Variants in ST7 observed in about 807,000 individuals in gnomAD.
ST7 encodes suppression of tumorigenicity 7.
ST7 carries 28 observed loss-of-function variants against 78.7 expected under a neutral mutation model. That is an observed-to-expected ratio of 0.36 (90% CI 0.26 to 0.49). The LOEUF is 0.49. Ranked by LOEUF, ST7 falls within the 20% of genes least tolerant of loss-of-function variation. ST7 has a pLI of 0.99. For synonymous variants in ST7, 247 were observed against 249.6 expected, an observed-to-expected ratio of 0.99 and a Z score of 0.10; for missense variants, 418 against 696.0, an observed-to-expected ratio of 0.60 and a Z score of 4.49.
chr7:117,216,984 C>T (rs1380479694), intron 13 of ST7, among the ~76,000 whole-genome samples: 6 of 152,120 alleles, frequency 3.9e-5, no homozygotes, highest in African/African-American at 1.2e-4. Flanking sequence ...AAAAGGCCAA[C>T]TTGACGCACA....
intron 1 of ST7, among the ~76,000 whole-genome samples, chr7:117,088,446 T>C (rs1468196669): frequency 2.0e-5 from 3 of 152,250 alleles, no homozygotes; most frequent in Admixed American, 6.5e-5. Flanking sequence ...AGAATATAGA[T>C]GTTATTCCGT....
intron 1 of ST7, among the ~76,000 whole-genome samples, chr7:116,967,118 CT>C (rs35773173): frequency 0.5 from 69,383 of 139,190 alleles, 16,931 homozygotes; most frequent in Non-Finnish European, 0.58. Context: ...TTCTATCACT[CT>C]TTTTTTTTTT....
intron 8 of ST7, chr7:117,136,470 G>A (rs868262330): frequency 4.8e-5 from 29 of 602,710 alleles, no homozygotes; most frequent in East Asian, 1.9e-4. Flanking sequence ...ATTCCTAACC[G>A]CAGAAATAAA....
chr7:117,064,954 A>G (rs1244333162), intron 1 of ST7, among the ~76,000 whole-genome samples: 1 of 152,080 alleles, frequency 6.6e-6, no homozygotes, highest in Non-Finnish European at 1.5e-5. Flanking sequence ...AAAATGACTA[A>G]TCTCATTGTG....
Position 116,995,307 on chromosome 7 carries a change from C to A in ST7, c.151+41616C>A, listed in dbSNP as rs182534134. On this transcript the variant is annotated intron_variant, in intron 1 of 15. Transcript: ENST00000323984. ...TTGACAAATGAGGAATAGTAACCAT[C>A]CCCGTCCTAGGGTTGTTTTATGGTA... Among the ~76,000 whole-genome samples, 33 of 152,288 alleles carry A rather than the reference C, an allele frequency of 2.2e-4. No individual in the cohort carries two copies. In the East Asian group the frequency reaches 5.8e-3, roughly 27 times the overall value.
At chr7:117,054,584 C>A (rs1309292756) in intron 1 of ST7, among the ~76,000 whole-genome samples, 4 of 152,212 alleles carry the variant, frequency 2.6e-5, no homozygotes, top group Non-Finnish European at 5.9e-5. Context: ...TTAGGCCATT[C>A]CTTTATCACA....
intron 1 of ST7, among the ~76,000 whole-genome samples, chr7:117,034,740 A>G (rs907984316): frequency 5.3e-5 from 8 of 152,224 alleles, no homozygotes; most frequent in Admixed American, 4.6e-4. Context: ...TTTGATATAG[A>G]TGTCATAGCA....
chr7:117,141,682 CTTTTTT>C (rs2117093171), intron 9 of ST7, among the ~76,000 whole-genome samples: 2 of 149,478 alleles, frequency 1.3e-5, no homozygotes, highest in African/African-American at 4.9e-5. Context: ...TTTTCTTTTT[CTTTTTT>C]AAGACAGAGT....
chr7:116,988,182 A>G (rs1794268295), intron 1 of ST7, among the ~76,000 whole-genome samples: 1 of 152,154 alleles, frequency 6.6e-6, no homozygotes, highest in Admixed American at 6.6e-5. Flanking sequence ...ATATAATTCT[A>G]TAGGAGGCCT....
intron 1 of ST7, chr7:117,098,714 CT>C: frequency 8.3e-7 from 1 of 1,211,054 alleles, no homozygotes; most frequent in Non-Finnish European, 1.1e-6. Context: ...AAGCCTTTCC[CT>C]CTAATGACAT....
At chr7:117,124,453 T>C (rs1392380899) in intron 3 of ST7, among the ~76,000 whole-genome samples, 1 of 152,134 alleles carries the variant, frequency 6.6e-6, no homozygotes, top group Non-Finnish European at 1.5e-5. Context: ...TTAAGCACTT[T>C]AAAAAATTGA....
At chr7:117,101,988 T>C (rs1206975497) in intron 2 of ST7, among the ~76,000 whole-genome samples, 2 of 152,202 alleles carry the variant, frequency 1.3e-5, no homozygotes, top group Non-Finnish European at 2.9e-5. Flanking sequence ...TACTAATCTG[T>C]TCACCTGTAT....
intron 1 of ST7, chr7:116,972,726 C>G: frequency 1.1e-6 from 1 of 928,494 alleles, no homozygotes; most frequent in Admixed American, 1.7e-5. Flanking sequence ...CACAGTCCAG[C>G]TTCTCATGAA....
chr7:117,032,159 C>T (rs1479872489), intron 1 of ST7, among the ~76,000 whole-genome samples: 1 of 151,500 alleles, frequency 6.6e-6, no homozygotes, highest in East Asian at 1.9e-4. Flanking sequence ...TGGGATTACA[C>T]GAATGAGCCA....
In ST7 at chr7:117,219,851, ATAT is replaced by A. The variant is rs1373312990; in HGVS notation, c.1498+680_1498+682del. On this transcript the variant is annotated intron_variant, in intron 14 of 15. Coordinates refer to ENST00000323984, the MANE Select transcript of ST7 (RefSeq NM_001369598.1). This position sits in a 1 kb window ranked among gnomAD's most constrained non-coding sequence, Gnocchi z 5.1. ...TAATGACCCATACCACATGTGGAAA[ATAT>A]TATTTTGCTTTGCTGTAATACAACA... Among the ~76,000 whole-genome samples the A allele has an allele frequency of 6.6e-6, 1 of 152,204 alleles. No individual in the cohort carries two copies.
In ST7 at chr7:117,136,093, T is replaced by G. The variant is rs1461558748; in HGVS notation, c.723T>G (p.Ala241=). 1 of 1,613,260 alleles carries G rather than the reference T, an allele frequency of 6.2e-7. No individual in the cohort carries two copies. Residue 241 remains alanine, a synonymous_variant, in exon 8 of 16, where the codon GCT becomes GCG. Transcript: ENST00000323984. Reference sequence around the variant, plus strand: ...TCTGAATGAACAGGTGTGCAACTGCTTATATTCTCTTGGCTGAAGAGGAAG... The same window carrying G: ...TCTGAATGAACAGGTGTGCAACTGCGTATATTCTCTTGGCTGAAGAGGAAG... ...EIKLLPKCAT[A]YILLAEEEAT... is the part of the protein sequence containing the mutation.
intron 2 of ST7, among the ~76,000 whole-genome samples, chr7:117,119,171 G>A (rs1803158891): frequency 6.6e-6 from 1 of 152,014 alleles, no homozygotes; most frequent in Non-Finnish European, 1.5e-5. Context: ...AGAATATAAA[G>A]TGCAAAGAAC....
intron 10 of ST7, among the ~76,000 whole-genome samples, chr7:117,173,772 G>A (rs530245935): frequency 1.3e-5 from 2 of 152,020 alleles, no homozygotes; most frequent in South Asian, 4.2e-4. Flanking sequence ...GCCGTTTTTT[G>A]GATTGTTTTT....
At position 116,953,563 on chromosome 7, in the gene ST7, T is replaced by C. The variant is rs2116069475; in HGVS notation, c.23T>C (p.Phe8Ser). ...AACATGGCTGAAGCGGCCACGGGCTTTCTGGAGCAGCTCAAGTCCTGCATA... is the reference window on the plus strand; with the variant it reads ...AACATGGCTGAAGCGGCCACGGGCTCTCTGGAGCAGCTCAAGTCCTGCATA... MAEAATGFLEQLKSCIVW... is the reference protein window; with the variant it reads MAEAATGSLEQLKSCIVW... Residue 8 changes from phenylalanine (F) to serine (S), a missense_variant, in exon 1 of 16, where the codon TTT becomes TCT. Physicochemically the swap from Phe to Ser is radical, Grantham distance 155 (BLOSUM62 -2). Coordinates refer to ENST00000323984, the MANE Select transcript of ST7 (RefSeq NM_001369598.1). 1.4e-6 allele frequency: 2 copies of C among 1,446,714 alleles called. No individual in the cohort carries two copies. Among genetic ancestry groups the C allele is most frequent in the Non-Finnish European group, 1.9e-6 (2 of 1,080,146 alleles). 89.6% of individuals were successfully genotyped at this position (1,446,714 alleles called of 1,614,324 possible). A position where few individuals can be genotyped will look rare whatever the true frequency, so the allele number is the denominator to read the frequency against.
Sources: allele counts gnomAD v4.1 joint callset (sites outside exome capture counted in the v4.1 genomes callset), GRCh38; gene constraint gnomAD v4.1.1; non-coding constraint Gnocchi (gnomAD v3.1); transcripts MANE v1.5; gene names NCBI Gene and HGNC (gene_info 2026-07-23, HGNC 2026-07-21).